Variants in SRPX2 observed in about 807,000 individuals in gnomAD.
SRPX2 encodes the protein sushi repeat-containing protein SRPX2.
SRPX2 carries 26 observed loss-of-function variants against 45.3 expected under a neutral mutation model. The ratio of observed to expected loss-of-function variants is 0.57; its 90% CI spans 0.42 to 0.80. The LOEUF is 0.80. Among genes scored for constraint, SRPX2 ranks in the 30% least tolerant of loss-of-function variants. The pLI is 0.00. For missense variants in SRPX2, 355 were observed against 399.8 expected, an observed-to-expected ratio of 0.89 and a Z score of 0.95; for synonymous variants, 125 against 143.7, an observed-to-expected ratio of 0.87 and a Z score of 0.93.
chrX:100,665,141 G>T (rs943132618), intron 5 of SRPX2, 102 bp from the exon 6 acceptor site: 9 of 1,145,384 alleles, frequency 7.9e-6, no homozygotes, highest in African/African-American at 1.8e-5. Flanking sequence ...TGAGCACCTT[G>T]AACTTTTTAT....
chrX:100,669,155 C>T, intron 9 of SRPX2, 93 bp from the exon 10 acceptor site: 2 of 1,154,553 alleles, frequency 1.7e-6, no homozygotes, highest in Non-Finnish European at 2.4e-6. Context: ...TCCTTTCCCA[C>T]ACTGCTTCAT....
chrX:100,663,062 A>T (rs926642132), intron 4 of SRPX2, among the ~76,000 whole-genome samples: 4 of 111,852 alleles, frequency 3.6e-5, no homozygotes, highest in African/African-American at 1.3e-4. Context: ...GATGAATGGG[A>T]TAGAAACACA....
intron 4 of SRPX2, among the ~76,000 whole-genome samples, chrX:100,663,913 AG>A (rs1406458753): frequency 8.9e-6 from 1 of 111,918 alleles, no homozygotes; most frequent in East Asian, 2.8e-4. Context: ...CATGTAAGTG[AG>A]CCTCAGCTGA....
chrX:100,648,865 C>A lies in SRPX2; in HGVS notation c.83-1920C>A, dbSNP rs776832360. On this transcript the variant is annotated intron_variant, in intron 2 of 10. Coordinates refer to ENST00000373004, the MANE Select transcript of SRPX2 (RefSeq NM_014467.3). The stretch of plus-strand genomic sequence containing the variant: ...ATTATCAAAAGCTCTTCCCTAATCA[C>A]CATCTTCAGTGGAGTGTCTGAGTTT... 2.7e-5 allele frequency among the ~76,000 whole-genome samples: 3 copies of A among 112,259 alleles called. No homozygotes were observed. The South Asian group carries it at 1.1e-3, about 42-fold the overall frequency.
rs182020954 is a variant in SRPX2 at position 100,674,487 on chromosome X, A to G, written c.*3500A>G. ...AGCATTTATAGAACTAACAAACACA[A>G]ACGTTTGACAAGTGAGAAAGCTTTA... On this transcript the variant is annotated 3_prime_UTR_variant, in exon 11 of 11. Transcript: ENST00000373004. 1 of 112,550 alleles carries G rather than the reference A, an allele frequency of 8.9e-6. No homozygotes were observed. Among genetic ancestry groups the G allele is most frequent in the East Asian group, 2.8e-4 (1 of 3,580 alleles). 9.3% of individuals were successfully genotyped at this position (112,550 alleles called of 1,213,427 possible). A position where few individuals can be genotyped will look rare whatever the true frequency, so the allele number is the denominator to read the frequency against.
chrX:100,656,811 C>T (rs2083170532), intron 3 of SRPX2, among the ~76,000 whole-genome samples: 1 of 111,907 alleles, frequency 8.9e-6, no homozygotes, highest in Non-Finnish European at 1.9e-5. Flanking sequence ...ATCTTGATTT[C>T]TTTTCCTTTA....
At chrX:100,658,101 G>A (rs771257344) in intron 3 of SRPX2, among the ~76,000 whole-genome samples, 35 of 112,442 alleles carry the variant, frequency 3.1e-4, no homozygotes, top group Non-Finnish European at 6.0e-4. Flanking sequence ...TGCTGTGCAG[G>A]AGCTTTTTAG....
chrX:100,644,973 C>T (rs919569131), intron 1 of SRPX2, among the ~76,000 whole-genome samples: 10 of 111,658 alleles, frequency 9.0e-5, no homozygotes, highest in Admixed American at 6.7e-4. Flanking sequence ...CTATCTCTTT[C>T]CTTCAGCTCT....
intron 3 of SRPX2, among the ~76,000 whole-genome samples, chrX:100,655,645 G>A (rs2083166141): frequency 9.1e-6 from 1 of 110,240 alleles, no homozygotes; most frequent in East Asian, 2.8e-4. Flanking sequence ...GGGATCCTGG[G>A]CAATTTACTT....
intron 7 of SRPX2, 46 bp downstream of exon 7, chrX:100,665,703 C>T (rs2083202632): frequency 1.7e-6 from 2 of 1,206,205 alleles, no homozygotes; most frequent in Non-Finnish European, 2.2e-6. Flanking sequence ...TAATCCTGCT[C>T]TACCCTGACC....
At chrX:100,669,706 G>A (rs1602726703) in intron 10 of SRPX2, among the ~76,000 whole-genome samples, 1 of 107,763 alleles carries the variant, frequency 9.3e-6, no homozygotes, top group Admixed American at 1.0e-4. Context: ...ACTCAGATAA[G>A]CCCCTGCTCT....
chrX:100,658,595 CT>C (rs911898138), intron 3 of SRPX2, among the ~76,000 whole-genome samples: 5 of 111,769 alleles, frequency 4.5e-5, no homozygotes, highest in African/African-American at 1.6e-4. Flanking sequence ...TATTCTGGCT[CT>C]TTTTTAGTTC....
At chrX:100,663,795 G>A (rs926609654) in intron 4 of SRPX2, among the ~76,000 whole-genome samples, 2 of 112,297 alleles carry the variant, frequency 1.8e-5, no homozygotes, top group African/African-American at 6.5e-5. Flanking sequence ...TCTGCCACAC[G>A]TGGTGTCCAA....
chrX:100,646,825 AG>A (rs1177524830), intron 2 of SRPX2, among the ~76,000 whole-genome samples: 2 of 112,186 alleles, frequency 1.8e-5, no homozygotes, highest in Middle Eastern at 4.6e-3. Flanking sequence ...GGAAAAAATA[AG>A]GGGGGCAGGC....
rs867043607 is a variant in SRPX2, at chrX:100,657,835, T to C, written c.164-4341T>C. Among the ~76,000 whole-genome samples, 3 of 111,979 alleles carry C rather than the reference T, an allele frequency of 2.7e-5. No individual in the cohort carries two copies. In the South Asian group the frequency reaches 1.1e-3, roughly 42 times the overall value. On this transcript the variant is annotated intron_variant, in intron 3 of 10. Coordinates refer to ENST00000373004, the MANE Select transcript of SRPX2 (RefSeq NM_014467.3). ...AATATTTTGTTTTTGTTTTTTGTTT[T>C]TGTTTTGGAGACGGAGTCTCCTGAC... is the stretch of plus-strand genomic sequence containing the variant.
rs1190679095 is a variant in SRPX2, at chrX:100,672,420, G to A, written c.*1433G>A. 1.8e-5 allele frequency: 2 copies of A among 112,274 alleles called. No homozygotes were observed. Among genetic ancestry groups the A allele is most frequent in the Non-Finnish European group, 3.8e-5 (2 of 53,261 alleles). The allele number at this position is 112,274 out of a possible 1,213,427, so 9.3% of individuals were successfully genotyped here. On this transcript the variant is annotated 3_prime_UTR_variant, in exon 11 of 11. Coordinates refer to ENST00000373004, the MANE Select transcript of SRPX2 (RefSeq NM_014467.3). ...ATAATGCTCAAGCACTATGTGCCAGGTGCTGTTCTAAACACTCTACTGATT... is the reference window on the plus strand; with the variant it reads ...ATAATGCTCAAGCACTATGTGCCAGATGCTGTTCTAAACACTCTACTGATT...
intron 3 of SRPX2, among the ~76,000 whole-genome samples, chrX:100,655,683 C>T (rs1360039579): frequency 9.1e-6 from 1 of 110,216 alleles, no homozygotes; most frequent in Non-Finnish European, 1.9e-5. Context: ...GGATAAACAC[C>T]TGCATACCTT....
Position 100,667,373 on chromosome X carries a change from AC to A in SRPX2, c.1063del (p.Arg355AspfsTer22). On this transcript the variant is annotated frameshift_variant, in exon 9 of 11. Coordinates refer to ENST00000373004, the MANE Select transcript of SRPX2 (RefSeq NM_014467.3). LOFTEE classifies it high-confidence loss of function. The part of the protein sequence containing the change: ...LLIISAPDPS[N>X]RYYKMQISML... ...ATCATCTCAGCTCCTGATCCTTCCA[AC>A]CGATATTATAAAATGCAGATCTCTA... 8.3e-7 allele frequency: 1 copy of A among 1,211,485 alleles called. No homozygotes were observed. Among genetic ancestry groups the A allele is most frequent in the Non-Finnish European group, 1.1e-6 (1 of 895,475 alleles).
chrX:100,648,955 C>T (rs149926693), intron 2 of SRPX2, among the ~76,000 whole-genome samples: 1,160 of 112,445 alleles, frequency 0.01, 16 homozygotes, highest in African/African-American at 0.036. Context: ...AGCTGGGAGA[C>T]CTTGGTTCTC....
Sources: gnomAD v4.1 joint callset for allele counts (sites outside exome capture counted in the v4.1 genomes callset) on GRCh38, gnomAD v4.1.1 for gene constraint, MANE v1.5 for transcripts, NCBI Gene and HGNC (gene_info 2026-07-23, HGNC 2026-07-21) for gene names.